Variants in ITGAE observed in about 807,000 individuals in gnomAD.
The protein encoded by ITGAE is integrin alpha-E.
ITGAE carries 99 observed loss-of-function variants against 136.5 expected under a neutral mutation model. That is an observed-to-expected ratio of 0.73 (90% CI 0.62 to 0.86). The LOEUF (loss-of-function observed/expected upper bound fraction) is 0.86. Ranked by LOEUF, ITGAE falls within the 40% of genes least tolerant of loss-of-function variation. ITGAE has a pLI of 0.00. For missense variants in ITGAE, 1,447 were observed against 1,515.3 expected, an observed-to-expected ratio of 0.95 and a Z score of 0.75; for synonymous variants, 613 against 591.8, an observed-to-expected ratio of 1.04 and a Z score of -0.52.
chr17:3,737,586 G>A (rs7220026), intron 20 of ITGAE, among the ~76,000 whole-genome samples: 29,540 of 152,066 alleles, frequency 0.19, 4,653 homozygotes, highest in African/African-American at 0.42. Context: ...CAGAGATGCT[G>A]ACATGTCAGC....
chr17:3,724,621 A>T lies in ITGAE; in HGVS notation c.3085-877T>A. 1.9e-6 allele frequency: 3 copies of T among 1,614,206 alleles called. No individual in the cohort carries two copies. In the African/African-American group the frequency reaches 4.0e-5, roughly 22 times the overall value. ...CAGGAGGAAGCGACAGGAGGAGCCAAGGACACCAGGATGGTCCACCAAACC... is the reference window on the plus strand; with the variant it reads ...CAGGAGGAAGCGACAGGAGGAGCCATGGACACCAGGATGGTCCACCAAACC... On this transcript the variant is annotated intron_variant, in intron 26 of 30. Coordinates refer to ENST00000263087, the MANE Select transcript of ITGAE (RefSeq NM_002208.5).
chr17:3,753,006 C>A (rs2051908421), intron 14 of ITGAE, among the ~76,000 whole-genome samples: 1 of 152,236 alleles, frequency 6.6e-6, no homozygotes, highest in South Asian at 2.1e-4. Flanking sequence ...CAAGATCCTG[C>A]CATTGCATTG....
intron 2 of ITGAE, 96 bp downstream of exon 2, chr17:3,777,444 G>A: frequency 2.1e-6 from 3 of 1,431,084 alleles, no homozygotes; most frequent in Non-Finnish European, 2.8e-6. Flanking sequence ...CCTGACGGTG[G>A]GGTGGGGTGG....
At chr17:3,726,658 G>T in intron 26 of ITGAE, 1 of 236,866 alleles carries the variant, frequency 4.2e-6, no homozygotes, top group Non-Finnish European at 8.0e-6. Context: ...CAAGACCCCT[G>T]TCTCTATTTT....
In ITGAE at chr17:3,727,928, C is replaced by G. The variant is rs764107141; in HGVS notation, c.3075G>C (p.Thr1025=). 3 of 1,609,310 alleles carry G rather than the reference C, an allele frequency of 1.9e-6. No individual in the cohort carries two copies. The highest frequency in any genetic ancestry group is 4.5e-5 in the East Asian group (2 of 44,878). The change falls in exon 26 of 31, where the codon ACG becomes ACC. Residue 1025 remains threonine (T), a synonymous_variant. Transcript: ENST00000263087. ...AACTGCCTTTAAATACCTGAGTCCT[C>G]GTCAGCTTCTTCACTGCTACAACCT... The part of the protein sequence containing the change: ...GLQVVAVKKL[T]RTQASTVCTW...
intron 2 of ITGAE, among the ~76,000 whole-genome samples, chr17:3,773,534 AGGCAAAGTGGGGGTGAGG>A (rs201398590): frequency 0.15 from 21,955 of 148,830 alleles, 2,141 homozygotes; most frequent in African/African-American, 0.27. Flanking sequence ...GAGATGCATA[AGGCAAAGTGGGGGTGAGG>A]GGCAAAGTGG....
At chr17:3,791,599 A>G (rs1289276805) in intron 1 of ITGAE, among the ~76,000 whole-genome samples, 1 of 152,108 alleles carries the variant, frequency 6.6e-6, no homozygotes, top group Admixed American at 6.6e-5. Flanking sequence ...GTTCTTTAGA[A>G]ATGAAAATGT....
chr17:3,732,608 A>G (rs2051371026), intron 21 of ITGAE, 142 bp from the exon 22 acceptor site: 4 of 683,612 alleles, frequency 5.9e-6, no homozygotes, highest in Non-Finnish European at 1.0e-5. Context: ...AATAAAGTCC[A>G]CTTGGTCCCT....
intron 19 of ITGAE, 69 bp from the exon 20 acceptor site, chr17:3,739,947 TCTC>T (rs950603953): frequency 2.3e-6 from 3 of 1,303,798 alleles, no homozygotes; most frequent in East Asian, 2.3e-5. Context: ...CTCCGGCTCT[TCTC>T]CTTATAGGAA....
Position 3,801,078 on chromosome 17 carries a change from C to G in ITGAE, c.34+33G>C, listed in dbSNP as rs9890375. On this transcript the variant is annotated intron_variant, in intron 1 of 30. Transcript: ENST00000263087. ...CACCTGGCTGGAGCTGAGGGCACAG[C>G]AGCCCCTCGAAGCAGCGGGTGAGAG... The G allele has an allele frequency of 2.7e-3, 4,372 of 1,611,466 alleles. 110 individuals are homozygous for G. In the African/African-American group the frequency reaches 0.049, roughly 18 times the overall value.
At chr17:3,732,149 G>A (rs1255183179) in intron 22 of ITGAE, among the ~76,000 whole-genome samples, 1 of 152,168 alleles carries the variant, frequency 6.6e-6, no homozygotes, top group Non-Finnish European at 1.5e-5. Context: ...CTGCTTCACG[G>A]AGGTGAGCAG....
chr17:3,747,061 C>T (rs1015170982), intron 17 of ITGAE, among the ~76,000 whole-genome samples: 21 of 152,192 alleles, frequency 1.4e-4, no homozygotes, highest in African/African-American at 4.8e-4. Context: ...GGGGGGAGCT[C>T]TTGGATGAGC....
chr17:3,745,885 A>G lies in ITGAE; in HGVS notation c.2198T>C (p.Val733Ala), dbSNP rs756522028. ...ALLNFTLDVD[V>A]GKQRRRLQCS... is the part of the protein sequence containing the mutation. Reference sequence around the variant, plus strand: ...CTGCAGCCGTCTCCTCTGCTTCCCCACATCCACATCCAGCGTGAAGTTGAG... The same window carrying G: ...CTGCAGCCGTCTCCTCTGCTTCCCCGCATCCACATCCAGCGTGAAGTTGAG... The change falls in exon 18 of 31, where the codon GTG becomes GCG. Residue 733 changes from valine to alanine, a missense_variant. Transcript: ENST00000263087. The G allele has an allele frequency of 4.3e-6, 7 of 1,613,898 alleles. 1 individual carries two copies. The South Asian group carries it at 7.7e-5, about 18-fold the overall frequency.
chr17:3,714,636 A>G lies in ITGAE; in HGVS notation c.*211T>C. ...CAGATTAAAGGCACTACTGCAAAGA[A>G]AAGTGTAAATTTATTTAATACCAAA... On this transcript the variant is annotated 3_prime_UTR_variant, in exon 31 of 31. Coordinates refer to ENST00000263087, the MANE Select transcript of ITGAE (RefSeq NM_002208.5). 1 of 440,450 alleles carries G rather than the reference A, an allele frequency of 2.3e-6. No individual in the cohort carries two copies. Among genetic ancestry groups the G allele is most frequent in the Non-Finnish European group, 4.0e-6 (1 of 251,098 alleles). The allele number at this position is 440,450 out of a possible 1,614,324, so 27.3% of individuals were successfully genotyped here.
At position 3,799,833 on chromosome 17, in the gene ITGAE, T is replaced by C. The variant is rs550039097; in HGVS notation, c.34+1278A>G. ...TGACTATTCTGATGTTTTTGAAATA[T>C]AAAATATTAGGCCGGGCAAGGTGGC... On this transcript the variant is annotated intron_variant, in intron 1 of 30. Coordinates refer to ENST00000263087, the MANE Select transcript of ITGAE (RefSeq NM_002208.5). This position sits in a 1 kb window ranked among gnomAD's most constrained non-coding sequence, Gnocchi z 4.1. Among the ~76,000 whole-genome samples the C allele has an allele frequency of 9.2e-5, 14 of 152,322 alleles. No individual in the cohort carries two copies. The South Asian group carries it at 2.7e-3, about 29-fold the overall frequency.
At chr17:3,762,100 A>T in intron 3 of ITGAE, 118 bp from the exon 4 acceptor site, 1 of 775,304 alleles carries the variant, frequency 1.3e-6, no homozygotes, top group Non-Finnish European at 2.1e-6. Context: ...ACTGTTGGCC[A>T]CTCAGAGAAG....
chr17:3,746,871 G>GCC (rs2051730112), intron 17 of ITGAE, among the ~76,000 whole-genome samples: 1 of 152,174 alleles, frequency 6.6e-6, no homozygotes, highest in Non-Finnish European at 1.5e-5. Context: ...GATTACAGGC[G>GCC]TGAGCTACCA....
chr17:3,749,360 C>A (rs1005299936), intron 16 of ITGAE, among the ~76,000 whole-genome samples: 3 of 151,962 alleles, frequency 2.0e-5, no homozygotes, highest in Non-Finnish European at 4.4e-5. Flanking sequence ...GTTCACCATT[C>A]TCCTGCCTCA....
At position 3,760,088 on chromosome 17, in the gene ITGAE, G is replaced by C. The variant is rs1347466373; in HGVS notation, c.714+84C>G. 20 of 810,894 alleles carry C rather than the reference G, an allele frequency of 2.5e-5. No individual in the cohort carries two copies. The South Asian group carries it at 2.9e-4, about 12-fold the overall frequency. 50.2% of individuals were successfully genotyped at this position (810,894 alleles called of 1,614,324 possible). A position where few individuals can be genotyped will look rare whatever the true frequency, so the allele number is the denominator to read the frequency against. On this transcript the variant is annotated intron_variant, in intron 7 of 30. Coordinates refer to ENST00000263087, the MANE Select transcript of ITGAE (RefSeq NM_002208.5). ...GCCCAAGTATGTGACCCATAGAATT[G>C]TGAGCAAATGTGGTGATTGTTGTTC...
Sources: allele counts gnomAD v4.1 joint callset (sites outside exome capture counted in the v4.1 genomes callset), GRCh38; gene constraint gnomAD v4.1.1; non-coding constraint Gnocchi (gnomAD v3.1); transcripts MANE v1.5; gene names NCBI Gene and HGNC (gene_info 2026-07-23, HGNC 2026-07-21).